Variants in FAM222B observed in about 807,000 individuals in gnomAD.
FAM222B encodes protein FAM222B.
In FAM222B, 12 loss-of-function variants were observed where a neutral mutation model predicts 38.0. That is an observed-to-expected ratio of 0.32 (90% CI 0.20 to 0.51). The LOEUF is 0.51. Among genes scored for constraint, FAM222B ranks in the 20% least tolerant of loss-of-function variants. The probability of loss-of-function intolerance (pLI) is 0.97; values close to 1 mark genes in which losing one functional copy is unlikely to be tolerated. For synonymous variants in FAM222B, 329 were observed against 317.2 expected, an observed-to-expected ratio of 1.04 and a Z score of -0.40; for missense variants, 716 against 754.2, an observed-to-expected ratio of 0.95 and a Z score of 0.59.
intron 1 of FAM222B, among the ~76,000 whole-genome samples, chr17:28,774,593 T>A (rs889512249): frequency 6.6e-6 from 1 of 152,184 alleles, no homozygotes; most frequent in East Asian, 1.9e-4. Context: ...AGTGCTTTCA[T>A]CTCTGCTCCC....
chr17:28,776,590 G>C (rs2035909951), intron 1 of FAM222B, among the ~76,000 whole-genome samples: 2 of 150,758 alleles, frequency 1.3e-5, no homozygotes, highest in South Asian at 2.1e-4. Context: ...GTGTGTAGCT[G>C]GGACCAGGGG....
At chr17:28,793,982 C>T (rs375145678) in intron 1 of FAM222B, among the ~76,000 whole-genome samples, 2 of 152,200 alleles carry the variant, frequency 1.3e-5, no homozygotes, top group South Asian at 2.1e-4. Flanking sequence ...CTCCCGACCT[C>T]AGGTAATCTG....
chr17:28,777,109 G>T (rs1226570908), intron 1 of FAM222B: 1 of 152,130 alleles, frequency 6.6e-6, no homozygotes, highest in Admixed American at 6.5e-5. Context: ...CTCAATAGGG[G>T]ACCGTAAAGT....
rs186920841 is a variant in FAM222B at position 28,815,603 on chromosome 17, G to A, written c.-41+27079C>T. 1.7e-3 allele frequency among the ~76,000 whole-genome samples: 266 copies of A among 152,212 alleles called. 1 individual carries two copies. The highest frequency in any genetic ancestry group is 6.2e-3 in the African/African-American group (256 of 41,536). On this transcript the variant is annotated intron_variant, in intron 1 of 2. Coordinates refer to ENST00000581407, the MANE Select transcript of FAM222B (RefSeq NM_001077498.3). ...GCACTTCGGGAGGTCAGGGTGGGTG[G>A]ATCACTTGAGCTCAGGAGTTCAAGA...
chr17:28,854,168 C>A (rs538366917), intron 1 of FAM222B, among the ~76,000 whole-genome samples: 10 of 152,244 alleles, frequency 6.6e-5, no homozygotes, highest in African/African-American at 2.4e-4. Context: ...TGGTCTCGAT[C>A]TCCTGACCTC....
chr17:28,831,983 A>G (rs1157983838), intron 1 of FAM222B, among the ~76,000 whole-genome samples: 2 of 152,050 alleles, frequency 1.3e-5, no homozygotes, highest in Non-Finnish European at 2.9e-5. Context: ...AGGTGATGAG[A>G]TCGAGACCAT....
intron 1 of FAM222B, among the ~76,000 whole-genome samples, chr17:28,816,042 A>G (rs2151937196): frequency 6.6e-6 from 1 of 151,662 alleles, no homozygotes; most frequent in East Asian, 1.9e-4. Flanking sequence ...TGGGATGCTG[A>G]AATAGGGCAG....
At chr17:28,816,552 CA>C (rs915295228) in intron 1 of FAM222B, among the ~76,000 whole-genome samples, 30 of 143,140 alleles carry the variant, frequency 2.1e-4, no homozygotes, top group Non-Finnish European at 1.5e-4. Context: ...TTATAACAAC[CA>C]AAAAAAAAAT....
intron 2 of FAM222B, 90 bp downstream of exon 2, chr17:28,766,496 C>A: frequency 1.0e-6 from 1 of 972,280 alleles, no homozygotes; most frequent in Non-Finnish European, 1.5e-6. Context: ...AATTCAAGGT[C>A]AGTGTACCCC....
intron 1 of FAM222B, among the ~76,000 whole-genome samples, chr17:28,817,752 GAGAA>G (rs2038075453): frequency 6.6e-6 from 1 of 152,110 alleles, no homozygotes; most frequent in Non-Finnish European, 1.5e-5. Context: ...AACTACAACA[GAGAA>G]TGCAGAGTAG....
intron 1 of FAM222B, among the ~76,000 whole-genome samples, chr17:28,824,444 C>A (rs2038368606): frequency 1.3e-5 from 2 of 152,076 alleles, no homozygotes; most frequent in South Asian, 4.2e-4. Flanking sequence ...TCTCAGACCC[C>A]CAAAGTGCTG....
intron 1 of FAM222B, among the ~76,000 whole-genome samples, chr17:28,774,433 G>A (rs745310906): frequency 9.2e-5 from 14 of 152,106 alleles, no homozygotes; most frequent in Non-Finnish European, 1.5e-4. Context: ...GGTATGCTAC[G>A]TTAGCTACCC....
At chr17:28,803,946 G>C (rs8069569) in intron 1 of FAM222B, among the ~76,000 whole-genome samples, 1 of 151,542 alleles carries the variant, frequency 6.6e-6, no homozygotes, top group Non-Finnish European at 1.5e-5. Flanking sequence ...ATGCCACTGC[G>C]CTCCAGCCTG....
At chr17:28,840,804 T>C (rs1265362043) in intron 1 of FAM222B, among the ~76,000 whole-genome samples, 1 of 150,026 alleles carries the variant, frequency 6.7e-6, no homozygotes, top group Non-Finnish European at 1.5e-5. Flanking sequence ...CTAAAAAAAA[T>C]ACAAAAATTA....
Position 28,796,782 on chromosome 17 carries a change from AATGAGATGGT to A in FAM222B, c.-40-30085_-40-30076del, listed in dbSNP as rs1371772016. Among the ~76,000 whole-genome samples the A allele has an allele frequency of 5.3e-5, 8 of 152,060 alleles. No individual in the cohort carries two copies. In the East Asian group the frequency reaches 1.5e-3, roughly 29 times the overall value. ...CCTTTCAGAATAATTGTGAGGATTA[AATGAGATGGT>A]ATTTGCAAAGTGGTTAGTACACTGC... On this transcript the variant is annotated intron_variant, in intron 1 of 2. Coordinates refer to ENST00000581407, the MANE Select transcript of FAM222B (RefSeq NM_001077498.3).
intron 1 of FAM222B, among the ~76,000 whole-genome samples, chr17:28,822,400 G>C (rs2038258502): frequency 1.4e-5 from 2 of 147,652 alleles, no homozygotes; most frequent in Middle Eastern, 3.4e-3. Context: ...AAGGCAGGTG[G>C]ATCACCTGAG....
At chr17:28,830,342 A>AGCAGAGAAGCG in intron 1 of FAM222B, among the ~76,000 whole-genome samples, 1 of 151,384 alleles carries the variant, frequency 6.6e-6, no homozygotes, top group African/African-American at 2.4e-5. Flanking sequence ...TTTGTTTTTT[A>AGCAGAGAAGCG]GTAGAGAAGC....
chr17:28,784,778 T>C (rs1364221698), intron 1 of FAM222B, among the ~76,000 whole-genome samples: 1 of 152,094 alleles, frequency 6.6e-6, no homozygotes, highest in Non-Finnish European at 1.5e-5. Context: ...TGCAGTGAGC[T>C]GCTCTGTCAC....
intron 2 of FAM222B, among the ~76,000 whole-genome samples, chr17:28,766,052 GAT>G (rs10626388): frequency 3.3e-5 from 5 of 150,506 alleles, no homozygotes; most frequent in African/African-American, 2.4e-5. Context: ...TTTTAAGGGT[GAT>G]ATATATATAT....
Sources: gnomAD v4.1 joint callset for allele counts (sites outside exome capture counted in the v4.1 genomes callset) on GRCh38, gnomAD v4.1.1 for gene constraint, MANE v1.5 for transcripts, NCBI Gene and HGNC (gene_info 2026-07-23, HGNC 2026-07-21) for gene names.